Variants in ATF7IP2 observed in about 807,000 individuals in gnomAD.
The protein encoded by ATF7IP2 is activating transcription factor 7-interacting protein 2.
ATF7IP2 carries 42 observed loss-of-function variants against 64.2 expected under a neutral mutation model. The ratio of observed to expected loss-of-function variants is 0.65; its 90% confidence interval spans 0.51 to 0.85. The LOEUF (loss-of-function observed/expected upper bound fraction) is 0.85. Among genes scored for constraint, ATF7IP2 ranks in the 40% least tolerant of loss-of-function variants. The pLI, the probability that ATF7IP2 is intolerant of heterozygous loss-of-function variation, is 0.00. For synonymous variants in ATF7IP2, 308 were observed against 272.8 expected (o/e 1.13, Z -1.27); for missense variants, 933 against 784.2 (o/e 1.19, Z -2.27).
At chr16:10,433,790 A>G (rs1023700533) in intron 6 of ATF7IP2, 141 bp downstream of exon 6, 5 of 864,916 alleles carry the variant, frequency 5.8e-6, no homozygotes, top group African/African-American at 1.7e-5. Flanking sequence ...AAATTATCAG[A>G]CAGACTGGGG....
intron 1 of ATF7IP2, among the ~76,000 whole-genome samples, chr16:10,392,236 G>T (rs1011421990): frequency 6.6e-6 from 1 of 151,450 alleles, no homozygotes; most frequent in Non-Finnish European, 1.5e-5. Context: ...ATGGGGTTTC[G>T]CCATGTTGGT....
intron 1 of ATF7IP2, among the ~76,000 whole-genome samples, chr16:10,406,926 C>T (rs968342963): frequency 3.9e-5 from 6 of 151,990 alleles, no homozygotes; most frequent in African/African-American, 1.5e-4. Flanking sequence ...TACCCAATAC[C>T]AAAACCAAAC....
At chr16:10,425,205 C>T (rs965905435) in intron 3 of ATF7IP2, among the ~76,000 whole-genome samples, 1 of 151,318 alleles carries the variant, frequency 6.6e-6, no homozygotes, top group Non-Finnish European at 1.5e-5. Flanking sequence ...TTTACAGGTG[C>T]CTACCACCAT....
chr16:10,458,965 C>A (rs1042513736), intron 9 of ATF7IP2, among the ~76,000 whole-genome samples: 2 of 151,936 alleles, frequency 1.3e-5, no homozygotes, highest in African/African-American at 2.4e-5. Flanking sequence ...GCAGGTGGAT[C>A]ACTTGAGGTC....
intron 3 of ATF7IP2, among the ~76,000 whole-genome samples, 176 bp from the exon 4 acceptor site, chr16:10,428,692 A>C (rs2048145954): frequency 6.6e-6 from 1 of 152,208 alleles, no homozygotes; most frequent in Admixed American, 6.5e-5. Context: ...CAAAGTGCAA[A>C]TTATGGAACC....
chr16:10,482,097 A>C lies in ATF7IP2; in HGVS notation c.1897A>C (p.Lys633Gln). Residue 633 changes from lysine to glutamine, a missense_variant, in exon 14 of 14, where the codon AAA becomes CAA. Lys to Gln is a moderately conservative substitution (Grantham distance 53). Coordinates refer to ENST00000562102, the MANE Select transcript of ATF7IP2 (RefSeq NM_001393719.1). ...GATTTGGAAGAAGATTGGAGAAATT[A>C]AAGCTTTACCACTCCCCATGGCCTG... ...KLIWKKIGEI[K>Q]ALPLPMACTL... is the part of the protein sequence containing the mutation. 6.2e-7 allele frequency: 1 copy of C among 1,614,158 alleles called. No individual in the cohort carries two copies. The highest frequency in any genetic ancestry group is 8.5e-7 in the Non-Finnish European group (1 of 1,180,006).
chr16:10,440,534 TA>T, intron 8 of ATF7IP2, 72 bp downstream of exon 8: 1 of 877,032 alleles, frequency 1.1e-6, no homozygotes, highest in Non-Finnish European at 1.8e-6. Context: ...AAGAAATGAA[TA>T]TATTTCCAGG....
chr16:10,438,349 A>T (rs1429207161), intron 7 of ATF7IP2, 114 bp downstream of exon 7: 7 of 1,091,552 alleles, frequency 6.4e-6, no homozygotes, highest in African/African-American at 1.6e-5. Flanking sequence ...AGCTCAAGCA[A>T]TCCTACCACC....
At chr16:10,419,112 A>C (rs112010714) in intron 2 of ATF7IP2, among the ~76,000 whole-genome samples, 3,150 of 152,326 alleles carry the variant, frequency 0.021, 45 homozygotes, top group Non-Finnish European at 0.031. Context: ...TTCTGTTTAC[A>C]AACAGGTTTT....
chr16:10,478,455 G>A (rs1007200520), intron 12 of ATF7IP2, among the ~76,000 whole-genome samples: 4 of 152,200 alleles, frequency 2.6e-5, no homozygotes, highest in Admixed American at 1.3e-4. Flanking sequence ...AGCCATATGT[G>A]GAAAGCTGAA....
intron 1 of ATF7IP2, among the ~76,000 whole-genome samples, chr16:10,398,613 T>C (rs2047466780): frequency 6.6e-6 from 1 of 152,162 alleles, no homozygotes; most frequent in Non-Finnish European, 1.5e-5. Context: ...TGGAATACCA[T>C]TTTGCCTGTC....
chr16:10,462,275 C>T (rs1288348900), intron 9 of ATF7IP2, among the ~76,000 whole-genome samples: 1 of 151,954 alleles, frequency 6.6e-6, no homozygotes, highest in Non-Finnish European at 1.5e-5. Flanking sequence ...TTTCGAGTTA[C>T]CCACATATTT....
chr16:10,462,495 TTTTC>T (rs2049408458), intron 9 of ATF7IP2, among the ~76,000 whole-genome samples: 1 of 152,186 alleles, frequency 6.6e-6, no homozygotes, highest in Non-Finnish European at 1.5e-5. Flanking sequence ...TGGCAGTTAT[TTTTC>T]TTTCAGCACT....
intron 7 of ATF7IP2, among the ~76,000 whole-genome samples, chr16:10,439,677 C>T (rs1232746885): frequency 2.0e-5 from 3 of 150,406 alleles, no homozygotes; most frequent in East Asian, 4.0e-4. Context: ...GGATTACAGG[C>T]GCCTGCCACT....
At chr16:10,463,442 A>G (rs28690963) in intron 9 of ATF7IP2, among the ~76,000 whole-genome samples, 6,227 of 152,352 alleles carry the variant, frequency 0.041, 189 homozygotes, top group East Asian at 0.13. Context: ...CATAAAAGAC[A>G]TTAGCTTCCT....
chr16:10,442,921 GT>G (rs2048677362), intron 8 of ATF7IP2, among the ~76,000 whole-genome samples: 1 of 152,156 alleles, frequency 6.6e-6, no homozygotes, highest in South Asian at 2.1e-4. Flanking sequence ...CCCTGCAGCT[GT>G]TTGGTTTCAT....
chr16:10,444,563 C>A (rs1267068505), intron 8 of ATF7IP2, among the ~76,000 whole-genome samples: 4 of 152,074 alleles, frequency 2.6e-5, no homozygotes, highest in African/African-American at 4.8e-5. Context: ...TTTTGAGGGG[C>A]AGTTCGAATA....
chr16:10,390,098 GT>G (rs1157518416), intron 1 of ATF7IP2, among the ~76,000 whole-genome samples: 2 of 151,844 alleles, frequency 1.3e-5, no homozygotes, highest in South Asian at 4.2e-4. Context: ...CAGTTCAGTA[GT>G]TTTTTTTAAT....
chr16:10,430,204 A>T (rs1338063646), intron 4 of ATF7IP2, among the ~76,000 whole-genome samples: 1 of 152,172 alleles, frequency 6.6e-6, no homozygotes, highest in Non-Finnish European at 1.5e-5. Context: ...AGATGCCATT[A>T]TGTATAGAAA....
Sources: allele counts gnomAD v4.1 joint callset (sites outside exome capture counted in the v4.1 genomes callset), GRCh38; gene constraint gnomAD v4.1.1; transcripts MANE v1.5; gene names NCBI Gene and HGNC (gene_info 2026-07-23, HGNC 2026-07-21).